The following CAPZB variants were observed in gnomAD, a reference collection of about 807,000 sequenced individuals.
CAPZB encodes capping actin protein of muscle Z-line subunit beta, also known as F-actin-capping protein subunit beta.
Under a neutral mutation model 38.1 loss-of-function variants are expected in CAPZB, and 2 were observed. The observed-to-expected ratio is 0.05, with a 90% CI of 0.02 to 0.17. The LOEUF is 0.17. Among genes scored for constraint, CAPZB ranks in the 10% least tolerant of loss-of-function variants. CAPZB has a pLI of 1.00. For missense variants in CAPZB, 161 were observed against 334.2 expected, an observed-to-expected ratio of 0.48 and a Z score of 4.04; for synonymous variants, 107 against 127.4, an observed-to-expected ratio of 0.84 and a Z score of 1.08.
At chr1:19,411,907 C>T (rs72959359) in intron 2 of CAPZB, among the ~76,000 whole-genome samples, 7,983 of 152,162 alleles carry the variant, frequency 0.052, 689 homozygotes, top group African/African-American at 0.18. Flanking sequence ...GATAACAGGC[C>T]GGGGTCATGA....
intron 1 of CAPZB, among the ~76,000 whole-genome samples, chr1:19,435,876 C>T (rs115103690): frequency 0.029 from 4,365 of 152,198 alleles, 206 homozygotes; most frequent in African/African-American, 0.1. Context: ...AGAAGAGGAG[C>T]GGGTTATTTA....
chr1:19,340,193 T>A, intron 8 of CAPZB, among the ~76,000 whole-genome samples: 1 of 152,152 alleles, frequency 6.6e-6, no homozygotes, highest in East Asian at 1.9e-4. Context: ...TGGGAGTGGG[T>A]AAGAACCAGT....
At chr1:19,405,786 G>C (rs138710771) in intron 2 of CAPZB, among the ~76,000 whole-genome samples, 5 of 152,170 alleles carry the variant, frequency 3.3e-5, no homozygotes, top group African/African-American at 1.2e-4. Flanking sequence ...CCTCCAAAGC[G>C]TCCATCTGAC....
At chr1:19,339,935 G>T (rs1396215865) in intron 8 of CAPZB, among the ~76,000 whole-genome samples, 1 of 152,214 alleles carries the variant, frequency 6.6e-6, no homozygotes, top group East Asian at 1.9e-4. Context: ...TCCTCTGTGT[G>T]TAGGTCCCTA....
chr1:19,473,154 C>T (rs1312328760), intron 1 of CAPZB, among the ~76,000 whole-genome samples: 1 of 152,178 alleles, frequency 6.6e-6, no homozygotes, highest in Non-Finnish European at 1.5e-5. Context: ...ACATAAAGCA[C>T]TTTCCCCTGT....
chr1:19,484,262 G>C (rs753504768), intron 1 of CAPZB: 16 of 1,612,298 alleles, frequency 9.9e-6, no homozygotes, highest in Non-Finnish European at 1.4e-5. Context: ...AGGGGAGGCT[G>C]CGCCTGCTTG....
At chr1:19,398,345 T>A (rs2094283880) in intron 2 of CAPZB, among the ~76,000 whole-genome samples, 1 of 152,168 alleles carries the variant, frequency 6.6e-6, no homozygotes, top group African/African-American at 2.4e-5. Context: ...CAGCAGAGGC[T>A]GACCAGCTCA....
chr1:19,469,314 TG>T (rs1164611432), intron 1 of CAPZB, among the ~76,000 whole-genome samples: 1 of 152,204 alleles, frequency 6.6e-6, no homozygotes, highest in Non-Finnish European at 1.5e-5. Context: ...TTTATTTCAG[TG>T]TGTACTTTCT....
At chr1:19,476,166 A>ATGT (rs1393071199) in intron 1 of CAPZB, among the ~76,000 whole-genome samples, 1 of 139,342 alleles carries the variant, frequency 7.2e-6, no homozygotes, top group African/African-American at 2.8e-5. Flanking sequence ...TCTAAAAAAT[A>ATGT]AGTAGATAGA....
Position 19,355,737 on chromosome 1 carries a change from A to C in CAPZB, c.588+898T>G, listed in dbSNP as rs538570629. On this transcript the variant is annotated intron_variant, in intron 6 of 8. Transcript: ENST00000264202. ...AATACCGACTTCTCCGAAGGCAAAG[A>C]GGGGTCCTTGTGAAACCCAGTTGTG... 2.0e-3 allele frequency among the ~76,000 whole-genome samples: 311 copies of C among 152,322 alleles called. 1 individual carries two copies. The highest frequency in any genetic ancestry group is 3.8e-3 in the Non-Finnish European group (258 of 68,030).
chr1:19,383,077 G>C (rs1308809040), intron 3 of CAPZB, among the ~76,000 whole-genome samples: 1 of 147,756 alleles, frequency 6.8e-6, no homozygotes, highest in Non-Finnish European at 1.5e-5. Context: ...CTAGGAGTTC[G>C]AGGCCAGCCT....
chr1:19,477,100 T>C (rs1400048238), intron 1 of CAPZB, among the ~76,000 whole-genome samples: 1 of 152,214 alleles, frequency 6.6e-6, no homozygotes, highest in African/African-American at 2.4e-5. Flanking sequence ...ACAATGACTG[T>C]GGGCATCCGG....
In CAPZB at chr1:19,356,599, G is replaced by T. The variant is rs1278894136; in HGVS notation, c.588+36C>A. 1 of 1,372,474 alleles carries T rather than the reference G, an allele frequency of 7.3e-7. No homozygotes were observed. The highest frequency in any genetic ancestry group is 1.0e-6 in the Non-Finnish European group (1 of 959,194). 85.0% of individuals were successfully genotyped at this position (1,372,474 alleles called of 1,614,324 possible). ...GGTCAGCACTGAGGCCAGCACCTGT[G>T]GGCACTGGCAAGTGGCTATGAGCGG... On this transcript the variant is annotated intron_variant, in intron 6 of 8. Transcript: ENST00000264202. This position sits in a 1 kb window ranked among gnomAD's most constrained non-coding sequence, Gnocchi z 4.3.
intron 1 of CAPZB, among the ~76,000 whole-genome samples, chr1:19,469,094 T>C (rs1238284105): frequency 2.0e-5 from 3 of 152,264 alleles, no homozygotes; most frequent in African/African-American, 7.2e-5. Flanking sequence ...TCTCTTTGAA[T>C]GAATGGACAG....
chr1:19,429,579 G>A (rs546052617), intron 1 of CAPZB, among the ~76,000 whole-genome samples: 3 of 152,170 alleles, frequency 2.0e-5, no homozygotes, highest in Admixed American at 6.5e-5. Flanking sequence ...GAGGTACCAC[G>A]TCTGGGCCAT....
chr1:19,429,441 G>C (rs1231651786), intron 1 of CAPZB, among the ~76,000 whole-genome samples: 1 of 152,108 alleles, frequency 6.6e-6, no homozygotes, highest in African/African-American at 2.4e-5. Context: ...GCAGAGATAC[G>C]ATATACTAAT....
intron 8 of CAPZB, chr1:19,342,664 G>C: frequency 6.2e-6 from 5 of 806,378 alleles, no homozygotes; most frequent in Non-Finnish European, 1.1e-5. Flanking sequence ...TTAAATGGCC[G>C]CGGAGCAGCA....
intron 2 of CAPZB, 101 bp from the exon 3 acceptor site, chr1:19,385,727 C>T (rs1427855431): frequency 1.4e-6 from 2 of 1,437,054 alleles, no homozygotes; most frequent in Non-Finnish European, 2.0e-6. Context: ...GTACCTTTAA[C>T]ATCTGGCCCT....
At chr1:19,393,030 C>T (rs950026356) in intron 2 of CAPZB, among the ~76,000 whole-genome samples, 24 of 152,286 alleles carry the variant, frequency 1.6e-4, no homozygotes, top group African/African-American at 5.8e-4. Flanking sequence ...CCCCACCCCA[C>T]CACCACTACT....
Sources: allele counts gnomAD v4.1 joint callset (sites outside exome capture counted in the v4.1 genomes callset), GRCh38; gene constraint gnomAD v4.1.1; non-coding constraint Gnocchi (gnomAD v3.1); transcripts MANE v1.5; gene names NCBI Gene and HGNC (gene_info 2026-07-23, HGNC 2026-07-21).